LYN: variants seen among roughly 807,000 people sequenced by gnomAD.
The protein encoded by LYN is tyrosine-protein kinase Lyn.
In LYN, 12 loss-of-function variants were observed where a neutral mutation model predicts 65.0. The observed-to-expected ratio is 0.18, with a 90% CI of 0.12 to 0.30. The LOEUF (loss-of-function observed/expected upper bound fraction) is 0.30. Among genes scored for constraint, LYN ranks in the 10% least tolerant of loss-of-function variants. The pLI, the probability that LYN is intolerant of heterozygous loss-of-function variation, is 1.00. For synonymous variants in LYN, 222 were observed against 221.2 expected, an observed-to-expected ratio of 1.00 and a Z score of -0.03; for missense variants, 380 against 623.2, an observed-to-expected ratio of 0.61 and a Z score of 4.16.
chr8:55,890,117 C>CAAAAAAAAAAAAAAAAAAAAAGAAAAA (rs1804912605), intron 1 of LYN, among the ~76,000 whole-genome samples: 1 of 79,092 alleles, frequency 1.3e-5, no homozygotes, highest in African/African-American at 5.5e-5. Context: ...CCTCTATAGA[C>CAAAAAAAAAAAAAAAAAAAAAGAAAAA]AAAAAAAAAA....
intron 12 of LYN, among the ~76,000 whole-genome samples, chr8:56,005,360 C>T (rs1358878078): frequency 6.6e-6 from 1 of 152,230 alleles, no homozygotes; most frequent in Non-Finnish European, 1.5e-5. Flanking sequence ...TCCACTTGGG[C>T]CTAGCATTCC....
intron 1 of LYN, among the ~76,000 whole-genome samples, chr8:55,910,085 A>G (rs926204043): frequency 2.0e-5 from 3 of 150,176 alleles, no homozygotes; most frequent in African/African-American, 7.4e-5. Context: ...ACTTTCTCCC[A>G]TTCTGCAGGT....
intron 12 of LYN, among the ~76,000 whole-genome samples, chr8:56,009,038 C>T (rs577377928): frequency 1.3e-5 from 2 of 152,144 alleles, no homozygotes; most frequent in African/African-American, 2.4e-5. Flanking sequence ...ATTTGTTGGG[C>T]TGACTTAAGG....
In LYN at chr8:55,953,917, G is replaced by C; in HGVS notation, c.723G>C (p.Glu241Asp). 1 of 1,614,178 alleles carries C rather than the reference G, an allele frequency of 6.2e-7. No individual in the cohort carries two copies. The highest frequency in any genetic ancestry group is 8.5e-7 in the Non-Finnish European group (1 of 1,180,026). Reference protein sequence around the residue: ...PQKPWDKDAWEIPRESIKLVK... With the variant: ...PQKPWDKDAWDIPRESIKLVK... The stretch of plus-strand genomic sequence containing the variant: ...AGCCATGGGATAAAGATGCCTGGGA[G>C]ATCCCCCGGGAGTCCATCAAGTTGG... The change falls in exon 8 of 13, where the codon GAG becomes GAC. Residue 241 changes from glutamate to aspartate, a missense_variant. Coordinates refer to ENST00000519728, the MANE Select transcript of LYN (RefSeq NM_002350.4).
chr8:55,965,794 TG>T (rs1215033139), intron 8 of LYN, among the ~76,000 whole-genome samples: 1 of 152,208 alleles, frequency 6.6e-6, no homozygotes, highest in Non-Finnish European at 1.5e-5. Flanking sequence ...TTGTTTTTTT[TG>T]GTCTTGAATA....
At chr8:55,967,583 T>A (rs780721504) in intron 9 of LYN, among the ~76,000 whole-genome samples, 30 of 152,216 alleles carry the variant, frequency 2.0e-4, no homozygotes, top group Admixed American at 1.9e-3. Context: ...CTGAAAGTGC[T>A]AGGATTACAG....
intron 2 of LYN, among the ~76,000 whole-genome samples, chr8:55,942,645 C>T (rs1369316597): frequency 2.6e-5 from 4 of 151,546 alleles, no homozygotes; most frequent in Non-Finnish European, 4.4e-5. Flanking sequence ...ATTAGCTGGG[C>T]ACAGTGGCGG....
intron 10 of LYN, among the ~76,000 whole-genome samples, chr8:55,994,056 C>CTCACTCCCTCATGGCACGTT (rs1447132740): frequency 6.6e-6 from 1 of 152,160 alleles, no homozygotes; most frequent in Non-Finnish European, 1.5e-5. Context: ...CCAAAGGAGT[C>CTCACTCCCTCATGGCACGTT]TCTGATTTCT....
chr8:55,950,413 A>AGTAT, intron 4 of LYN, 46 bp from the exon 5 acceptor site: 1 of 1,188,822 alleles, frequency 8.4e-7, no homozygotes, highest in Non-Finnish European at 1.2e-6. Context: ...ACATGCATGG[A>AGTAT]GTATGTAATC....
intron 1 of LYN, among the ~76,000 whole-genome samples, chr8:55,905,355 G>A (rs1187841973): frequency 6.6e-6 from 1 of 152,128 alleles, no homozygotes; most frequent in Non-Finnish European, 1.5e-5. Flanking sequence ...AGATTGCAGT[G>A]AGCCGATAGT....
At chr8:55,955,542 A>C (rs1041301900) in intron 8 of LYN, among the ~76,000 whole-genome samples, 4 of 152,198 alleles carry the variant, frequency 2.6e-5, no homozygotes, top group African/African-American at 9.7e-5. Flanking sequence ...AATTCACCTG[A>C]CATAAATTAA....
chr8:55,915,499 G>A (rs1242329109), intron 1 of LYN, among the ~76,000 whole-genome samples: 2 of 152,168 alleles, frequency 1.3e-5, no homozygotes, highest in African/African-American at 4.8e-5. Flanking sequence ...GAGGTCAGGA[G>A]TTTGAGACCA....
At chr8:56,007,534 A>G (rs1808704470) in intron 12 of LYN, among the ~76,000 whole-genome samples, 1 of 152,286 alleles carries the variant, frequency 6.6e-6, no homozygotes, top group South Asian at 2.1e-4. Context: ...CTGAATCATT[A>G]TAAAGTTTGC....
intron 8 of LYN, among the ~76,000 whole-genome samples, chr8:55,962,054 T>C (rs577619728): frequency 6.6e-6 from 1 of 152,372 alleles, no homozygotes; most frequent in South Asian, 2.1e-4. Context: ...CCAAATGTGC[T>C]CTTTTACGTC....
chr8:55,888,173 G>A (rs561170162), intron 1 of LYN, among the ~76,000 whole-genome samples: 1 of 152,152 alleles, frequency 6.6e-6, no homozygotes, highest in Non-Finnish European at 1.5e-5. Flanking sequence ...TGGGAGTCCC[G>A]CACAGTGTTA....
chr8:55,898,410 T>C (rs1174988291), intron 1 of LYN, among the ~76,000 whole-genome samples: 1 of 152,088 alleles, frequency 6.6e-6, no homozygotes, highest in Non-Finnish European at 1.5e-5. Context: ...CATCTCAGCC[T>C]CCCAAGTAGC....
At chr8:55,931,516 A>G (rs1806270589) in intron 1 of LYN, among the ~76,000 whole-genome samples, 2 of 151,902 alleles carry the variant, frequency 1.3e-5, no homozygotes, top group African/African-American at 2.4e-5. Context: ...AAAAATTTGC[A>G]AGGGCAAAAC....
chr8:55,887,654 G>C (rs1233509383), intron 1 of LYN, among the ~76,000 whole-genome samples: 1 of 148,688 alleles, frequency 6.7e-6, no homozygotes, highest in African/African-American at 2.5e-5. Context: ...CTGTCACCCA[G>C]GCTGGACTGT....
chr8:55,900,038 C>T (rs1254050774), intron 1 of LYN, among the ~76,000 whole-genome samples: 1 of 152,170 alleles, frequency 6.6e-6, no homozygotes, highest in East Asian at 1.9e-4. Context: ...GGATGTTTAG[C>T]TCAAGCTTAA....
Sources: allele counts gnomAD v4.1 joint callset (sites outside exome capture counted in the v4.1 genomes callset), GRCh38; gene constraint gnomAD v4.1.1; transcripts MANE v1.5; gene names NCBI Gene and HGNC (gene_info 2026-07-23, HGNC 2026-07-21).